Variants in PRMT8 observed in about 807,000 individuals in gnomAD.
PRMT8 encodes the protein protein arginine N-methyltransferase 8.
Under a neutral mutation model 47.1 loss-of-function variants are expected in PRMT8, and 7 were observed. The observed-to-expected ratio is 0.15, with a 90% CI of 0.08 to 0.28. The LOEUF is 0.28. PRMT8 is among the 10% of genes least tolerant of loss of function. The pLI, the probability that PRMT8 is intolerant of heterozygous loss-of-function variation, is 1.00. For synonymous variants in PRMT8, 188 were observed against 186.5 expected, an observed-to-expected ratio of 1.01 and a Z score of -0.07; for missense variants, 237 against 505.4, an observed-to-expected ratio of 0.47 and a Z score of 5.09.
At chr12:3,414,991 G>A (rs1203692031) in intron 1 of PRMT8, among the ~76,000 whole-genome samples, 3 of 152,072 alleles carry the variant, frequency 2.0e-5, no homozygotes, top group Non-Finnish European at 4.4e-5. Context: ...CAAAGTTCCA[G>A]GCTTAAGGGT....
intron 1 of PRMT8, among the ~76,000 whole-genome samples, chr12:3,448,655 G>C (rs913990201): frequency 1.3e-5 from 2 of 151,960 alleles, no homozygotes; most frequent in Non-Finnish European, 1.5e-5. Context: ...GATATCCCCT[G>C]GACAGATGGA....
intron 1 of PRMT8, among the ~76,000 whole-genome samples, chr12:3,519,659 A>C (rs1259707329): frequency 1.3e-5 from 2 of 152,202 alleles, no homozygotes; most frequent in African/African-American, 4.8e-5. Context: ...AGAAGCTGTG[A>C]GTCCACCAGG....
chr12:3,518,719 G>A (rs1475274783), intron 1 of PRMT8, among the ~76,000 whole-genome samples: 1 of 152,112 alleles, frequency 6.6e-6, no homozygotes, highest in Non-Finnish European at 1.5e-5. Flanking sequence ...GGATTCAAGA[G>A]TCCACTCCTA....
At position 3,453,141 on chromosome 12, in the gene PRMT8, G is replaced by A. The variant is rs1228946630; in HGVS notation, c.48+71699G>A. ...GGCTGGAGAGGAGAGGGGTCAGTCC[G>A]GGAGACCGTCCTGAAGAGTGGCCTG... On this transcript the variant is annotated intron_variant, in intron 1 of 9. Coordinates refer to the PRMT8 transcript ENST00000452611. The surrounding 1 kb of genome is among the most constrained non-coding windows in gnomAD (Gnocchi z 4.9). Among the ~76,000 whole-genome samples the A allele has an allele frequency of 6.6e-6, 1 of 152,112 alleles. No homozygotes were observed. The highest frequency in any genetic ancestry group is 1.5e-5 in the Non-Finnish European group (1 of 68,026).
intron 2 of PRMT8, among the ~76,000 whole-genome samples, chr12:3,544,453 A>C (rs926978359): frequency 6.6e-6 from 1 of 152,180 alleles, no homozygotes; most frequent in Admixed American, 6.5e-5. Flanking sequence ...TTAGGTTTTG[A>C]AGGGAAGGCA....
In PRMT8 at chr12:3,569,100, TTC is replaced by T. The variant is rs1866794840; in HGVS notation, c.624+258_624+259del. ...CCTCTTTTGCAATAACAGACATCCG[TTC>T]TCTCTTGTCGAGTTAAAGGTCCGTT... On this transcript the variant is annotated intron_variant, in intron 5 of 9. Transcript: ENST00000382622. This position sits in a 1 kb window ranked among gnomAD's most constrained non-coding sequence, Gnocchi z 8.2. 6.6e-6 allele frequency among the ~76,000 whole-genome samples: 1 copy of T among 152,144 alleles called. No individual in the cohort carries two copies.
intron 1 of PRMT8, among the ~76,000 whole-genome samples, chr12:3,476,751 T>A (rs1228775853): frequency 1.3e-5 from 2 of 152,220 alleles, no homozygotes; most frequent in African/African-American, 4.8e-5. Flanking sequence ...GCCTCTTGTA[T>A]TCTTTCTCCT....
At chr12:3,407,014 G>C (rs943052928) in intron 1 of PRMT8, among the ~76,000 whole-genome samples, 1 of 152,216 alleles carries the variant, frequency 6.6e-6, no homozygotes, top group Non-Finnish European at 1.5e-5. Flanking sequence ...AAGGAAAGAG[G>C]TTTAATTAAC....
At chr12:3,540,096 C>G (rs1427982216) in intron 1 of PRMT8, among the ~76,000 whole-genome samples, 2 of 152,096 alleles carry the variant, frequency 1.3e-5, no homozygotes, top group African/African-American at 2.4e-5. Context: ...CAGGACAACT[C>G]TAGGAGGCAG....
At chr12:3,511,631 G>A (rs1251472776) in intron 1 of PRMT8, among the ~76,000 whole-genome samples, 5 of 152,168 alleles carry the variant, frequency 3.3e-5, no homozygotes. Flanking sequence ...GAGACTGTGA[G>A]GGGCTCACTA....
At chr12:3,540,932 C>A (rs1866217045) in intron 2 of PRMT8, 141 bp downstream of exon 2, 12 of 1,052,304 alleles carry the variant, frequency 1.1e-5, no homozygotes, top group Non-Finnish European at 1.4e-5. Context: ...GACCCTTTCT[C>A]CAATCCGGGG....
chr12:3,440,076 A>G (rs533035377), intron 1 of PRMT8, among the ~76,000 whole-genome samples: 1 of 152,326 alleles, frequency 6.6e-6, no homozygotes, highest in South Asian at 2.1e-4. Flanking sequence ...AACAAATATA[A>G]TGGTCTTTAC....
At chr12:3,405,334 G>A (rs559893174) in intron 1 of PRMT8, among the ~76,000 whole-genome samples, 7 of 152,258 alleles carry the variant, frequency 4.6e-5, no homozygotes, top group Admixed American at 6.5e-5. Context: ...GGGATTATGG[G>A]AATTACAATT....
At chr12:3,443,467 C>T (rs1365763906) in intron 1 of PRMT8, among the ~76,000 whole-genome samples, 1 of 152,134 alleles carries the variant, frequency 6.6e-6, no homozygotes, top group East Asian at 1.9e-4. Context: ...AACTCACATC[C>T]AATTCACCAT....
Position 3,569,364 on chromosome 12 carries a change from G to A in PRMT8, c.625-113G>A, listed in dbSNP as rs979860978. ...CAGACAAGGTGACAGTCCACTGCAT[G>A]AGAGATGGTGGCAAGGGGGTGCTTG... On this transcript the variant is annotated intron_variant, in intron 5 of 9. Coordinates refer to ENST00000382622, the MANE Select transcript of PRMT8 (RefSeq NM_019854.5). The surrounding 1 kb of genome is among the most constrained non-coding windows in gnomAD (Gnocchi z 8.2). 26 of 872,506 alleles carry A rather than the reference G, an allele frequency of 3.0e-5. No individual in the cohort carries two copies. The highest frequency in any genetic ancestry group is 4.7e-5 in the Non-Finnish European group (24 of 512,028). The allele number at this position is 872,506 out of a possible 1,614,324, so 54.0% of individuals were successfully genotyped here.
At chr12:3,397,836 C>T (rs1232583043) in intron 1 of PRMT8, among the ~76,000 whole-genome samples, 2 of 152,198 alleles carry the variant, frequency 1.3e-5, no homozygotes, top group African/African-American at 4.8e-5. Context: ...AGTTTGATCT[C>T]AGACTGCTGT....
rs549844244 is a variant in PRMT8 at position 3,593,373 on chromosome 12, G to A, written c.*191G>A. On this transcript the variant is annotated 3_prime_UTR_variant, in exon 10 of 10. Transcript: ENST00000382622. This position sits in a 1 kb window ranked among gnomAD's most constrained non-coding sequence, Gnocchi z 4.8. ...TGGACAGAAGGCCTCCAGCTCCTCC[G>A]CTCTGCCCTGGTAGCCCTTCACGAA... 1.0e-5 allele frequency: 6 copies of A among 573,428 alleles called. No individual in the cohort carries two copies. The highest frequency in any genetic ancestry group is 7.6e-5 in the African/African-American group (4 of 52,702). 35.5% of individuals were successfully genotyped at this position (573,428 alleles called of 1,614,324 possible). A position where few individuals can be genotyped will look rare whatever the true frequency, so the allele number is the denominator to read the frequency against.
chr12:3,568,897 T>C, intron 5 of PRMT8, 49 bp downstream of exon 5: 1 of 1,609,974 alleles, frequency 6.2e-7, no homozygotes, highest in Non-Finnish European at 8.5e-7. Flanking sequence ...GCTGTCCTGC[T>C]CCTCTACCCA....
chr12:3,530,017 C>A (rs867902622), intron 1 of PRMT8, among the ~76,000 whole-genome samples: 1 of 152,162 alleles, frequency 6.6e-6, no homozygotes, highest in South Asian at 2.1e-4. Flanking sequence ...TTAATAAATG[C>A]ATTCTATGTT....
Sources: allele counts gnomAD v4.1 joint callset (sites outside exome capture counted in the v4.1 genomes callset), GRCh38; gene constraint gnomAD v4.1.1; non-coding constraint Gnocchi (gnomAD v3.1); transcripts MANE v1.5; gene names NCBI Gene and HGNC (gene_info 2026-07-23, HGNC 2026-07-21).